TMEM237: variants seen among roughly 807,000 people sequenced by gnomAD.
TMEM237 encodes the protein amyotrophic lateral sclerosis 2 (juvenile) chromosome region, candidate 4.
In TMEM237, 51 loss-of-function variants were observed where a neutral mutation model predicts 59.1. That is an observed-to-expected ratio of 0.86 (90% confidence interval 0.69 to 1.09). TMEM237 has a LOEUF of 1.09. TMEM237 is among the 50% of genes least tolerant of loss of function. TMEM237 has a pLI of 0.00. For synonymous variants in TMEM237, 140 were observed against 166.1 expected (o/e 0.84, Z 1.21); for missense variants, 475 against 478.3 (o/e 0.99, Z 0.06).
Position 201,624,970 on chromosome 2 carries a change from G to A in TMEM237, c.1160-648C>T, listed in dbSNP as rs571061484. ...ATTTAAACTATTACTTAGCATAGAT[G>A]TTGGCGAAATTCTGCATGCTAAGGC... On this transcript the variant is annotated intron_variant, in intron 12 of 12. Transcript: ENST00000409883. Among the ~76,000 whole-genome samples, 4 of 152,316 alleles carry A rather than the reference G, an allele frequency of 2.6e-5. No individual in the cohort carries two copies. The East Asian group carries it at 5.8e-4, about 22-fold the overall frequency.
At position 201,634,007 on chromosome 2, in the gene TMEM237, T is replaced by A. The variant is rs547574105; in HGVS notation, c.275-576A>T. Among the ~76,000 whole-genome samples the A allele has an allele frequency of 3.7e-4, 56 of 152,336 alleles. 1 individual carries two copies. Among genetic ancestry groups the A allele is most frequent in the Non-Finnish European group, 7.1e-4 (48 of 68,034 alleles). On this transcript the variant is annotated intron_variant, in intron 5 of 12. Transcript: ENST00000409883. The stretch of plus-strand genomic sequence containing the variant: ...GCCTAGCACATACCAAAATTCTGGA[T>A]GCCCGGAAGGGAAACAGATGTTCAG...
rs752096103 is a variant in TMEM237, at chr2:201,629,416, A to G, written c.683T>C (p.Ile228Thr). Residue 228 changes from isoleucine (I) to threonine (T), a missense_variant, in exon 9 of 13, where the codon ATT (isoleucine) becomes ACT (threonine). Ile to Thr is a moderately conservative substitution (Grantham distance 89). Transcript: ENST00000409883. Reference protein sequence around the residue: ...ALTVHRAFRMIGLFSHGFLAG... With the variant: ...ALTVHRAFRMTGLFSHGFLAG... ...CAAGAATCCATGAGAAAAGAGACCAATCATCCTGAATGGAAAAGGGTTTGA... is the reference window on the plus strand; with the variant it reads ...CAAGAATCCATGAGAAAAGAGACCAGTCATCCTGAATGGAAAAGGGTTTGA... 8.3e-6 allele frequency: 13 copies of G among 1,558,752 alleles called. No homozygotes were observed. The highest frequency in any genetic ancestry group is 8.6e-7 in the Non-Finnish European group (1 of 1,160,518).
At chr2:201,640,783 AAG>A (rs1470586025) in intron 2 of TMEM237, 108 bp downstream of exon 2, 7 of 920,176 alleles carry the variant, frequency 7.6e-6, no homozygotes, top group African/African-American at 5.1e-5. Context: ...AATTTTTCAG[AAG>A]AGTTTCCTGA....
Position 201,622,379 on chromosome 2 carries a change from G to T in TMEM237, c.*1876C>A, listed in dbSNP as rs1440910418. The T allele has an allele frequency of 6.6e-6, 1 of 152,246 alleles. No individual in the cohort carries two copies. Among genetic ancestry groups the T allele is most frequent in the African/African-American group, 2.4e-5 (1 of 41,448 alleles). 9.4% of individuals were successfully genotyped at this position (152,246 alleles called of 1,614,324 possible). A position where few individuals can be genotyped will look rare whatever the true frequency, so the allele number is the denominator to read the frequency against. ...ATGGGCAGCACCAGGCCAAAACCAA[G>T]GTATCCACAGAGCTGCCTTCCTTTC... On this transcript the variant is annotated 3_prime_UTR_variant, in exon 13 of 13. Coordinates refer to ENST00000409883, the MANE Select transcript of TMEM237 (RefSeq NM_001044385.3).
Position 201,639,198 on chromosome 2 carries a change from A to C in TMEM237, c.80-153T>G, listed in dbSNP as rs375542217. On this transcript the variant is annotated intron_variant, in intron 3 of 12. Coordinates refer to ENST00000409883, the MANE Select transcript of TMEM237 (RefSeq NM_001044385.3). ...ATTAGGGGAAGAAGGCAAGAAATTG[A>C]GAAGATCAGAGAGAGCCCACAGTGT... 480 of 670,720 alleles carry C rather than the reference A, an allele frequency of 7.2e-4. 4 individuals carry two copies. Among genetic ancestry groups the C allele is most frequent in the African/African-American group, 7.1e-3 (394 of 55,170 alleles). The allele number at this position is 670,720 out of a possible 1,614,324, so 41.5% of individuals were successfully genotyped here. A position where few individuals can be genotyped will look rare whatever the true frequency, so the allele number is the denominator to read the frequency against.
In TMEM237 at chr2:201,626,047, G is replaced by A. The variant is rs1202843628; in HGVS notation, c.1138C>T (p.Pro380Ser). The change falls in exon 12 of 13, where the codon CCA (proline) becomes TCA (serine). Residue 380 changes from proline (P) to serine (S), a missense_variant. Physicochemically the swap from Pro to Ser is moderately conservative, Grantham distance 74. Coordinates refer to ENST00000409883, the MANE Select transcript of TMEM237 (RefSeq NM_001044385.3). ...ATACCTTCACTAAGATCCATGCCTG[G>A]CCTATAAGACAAAAATAGCCAAGAT... ...GLSWLFLSYRPGMDLSEELMF... is the reference protein window; with the variant it reads ...GLSWLFLSYRSGMDLSEELMF... 6 of 1,592,586 alleles carry A rather than the reference G, an allele frequency of 3.8e-6. No individual in the cohort carries two copies. The South Asian group carries it at 4.6e-5, about 12-fold the overall frequency.
At chr2:201,641,730 T>TACACACACACACAC (rs10673016) in intron 1 of TMEM237, among the ~76,000 whole-genome samples, 69 of 150,816 alleles carry the variant, frequency 4.6e-4, no homozygotes, top group African/African-American at 1.7e-3. Context: ...ATACACAAGA[T>TACACACACACACAC]ACACACACAC....
Position 201,633,335 on chromosome 2 carries a change from A to G in TMEM237, c.371T>C (p.Ile124Thr), listed in dbSNP as rs1687220493. 3 of 1,599,120 alleles carry G rather than the reference A, an allele frequency of 1.9e-6. No individual in the cohort carries two copies. Among genetic ancestry groups the G allele is most frequent in the Non-Finnish European group, 2.6e-6 (3 of 1,172,610 alleles). ...CTTTGTCTTCCTCCGAGGTTTTTGAATAACTGCCTCCTCAGCTGGCTCCGC... is the reference window on the plus strand; with the variant it reads ...CTTTGTCTTCCTCCGAGGTTTTTGAGTAACTGCCTCCTCAGCTGGCTCCGC... ...IDAEPAEEAV[I>T]QKPRRKTKKT... is the part of the protein sequence containing the mutation. Residue 124 changes from isoleucine (I) to threonine (T), a missense_variant, in exon 6 of 13, where the codon ATT becomes ACT. Physicochemically the swap from Ile to Thr is moderately conservative, Grantham distance 89. Coordinates refer to ENST00000409883, the MANE Select transcript of TMEM237 (RefSeq NM_001044385.3).
chr2:201,620,253 C>T lies in TMEM237; in HGVS notation c.*4002G>A, dbSNP rs1957684199. ...TCTTAATATGGAAACCAAAGGTCTG[C>T]AAAATGTACTCTCCTAGCTCAGGAT... On this transcript the variant is annotated 3_prime_UTR_variant, in exon 13 of 13. Transcript: ENST00000409883. 6.6e-6 allele frequency: 1 copy of T among 152,182 alleles called. No individual in the cohort carries two copies. Among genetic ancestry groups the T allele is most frequent in the African/African-American group, 2.4e-5 (1 of 41,444 alleles). 9.4% of individuals were successfully genotyped at this position (152,182 alleles called of 1,614,324 possible).
chr2:201,643,334 G>A lies in TMEM237; in HGVS notation c.42+25C>T, dbSNP rs1262021812. On this transcript the variant is annotated intron_variant, in intron 1 of 12. Transcript: ENST00000409883. This position sits in a 1 kb window ranked among gnomAD's most constrained non-coding sequence, Gnocchi z 4.3. ...TAGCTGTTTACCCGCCACCTCTCGA[G>A]GCCGACGCGCCCCTCGCCGCTCACC... The A allele has an allele frequency of 1.3e-6, 2 of 1,545,062 alleles. No homozygotes were observed.
In TMEM237 at chr2:201,635,762, T is replaced by TAAAAAAA. The variant is rs11453635; in HGVS notation, c.274+979_274+985dup. On this transcript the variant is annotated intron_variant, in intron 5 of 12. Transcript: ENST00000409883. This position sits in a 1 kb window ranked among gnomAD's most constrained non-coding sequence, Gnocchi z 4.5. ...GGGCTATAAGAGTGAAACTCCATCT[T>TAAAAAAA]AAAAAAAAAAAAAAAGAGGCTCGAA... Among the ~76,000 whole-genome samples the TAAAAAAA allele has an allele frequency of 1.2e-4, 17 of 142,484 alleles. No homozygotes were observed. Among genetic ancestry groups the TAAAAAAA allele is most frequent in the African/African-American group, 4.4e-4 (17 of 38,744 alleles). 93.5% of individuals were successfully genotyped at this position (142,484 alleles called of 152,430 possible).
rs777244164 is a variant in TMEM237, at chr2:201,623,247, T to C, written c.*1008A>G. 100 of 433,070 alleles carry C rather than the reference T, an allele frequency of 2.3e-4. No individual in the cohort carries two copies. The highest frequency in any genetic ancestry group is 7.4e-4 in the Middle Eastern group (1 of 1,356). The allele number at this position is 433,070 out of a possible 1,614,324, so 26.8% of individuals were successfully genotyped here. ...AGTTTTATTGATGTGCTCAACAGCC[T>C]TTGAAACATTTTTTCCCATAGCTAG... On this transcript the variant is annotated 3_prime_UTR_variant, in exon 13 of 13. Transcript: ENST00000409883.
At chr2:201,629,579 A>G in intron 8 of TMEM237, 150 bp downstream of exon 8, 3 of 1,281,504 alleles carry the variant, frequency 2.3e-6, no homozygotes, top group Non-Finnish European at 3.1e-6. Flanking sequence ...AGATCACTCA[A>G]TTCCAATAGG....
Position 201,643,290 on chromosome 2 carries a change from C to G in TMEM237, c.42+69G>C, listed in dbSNP as rs1201546044. On this transcript the variant is annotated intron_variant, in intron 1 of 12. Transcript: ENST00000409883. The surrounding 1 kb of genome is among the most constrained non-coding windows in gnomAD (Gnocchi z 4.3). ...CTCGTTGGCGCCCCCCCACACACAC[C>G]CACCCCCACTGCCAAGTGTAGCTGT... is the stretch of plus-strand genomic sequence containing the variant. The G allele has an allele frequency of 2.1e-6, 3 of 1,448,560 alleles. No homozygotes were observed. In the South Asian group the frequency reaches 3.7e-5, roughly 18 times the overall value. 89.7% of individuals were successfully genotyped at this position (1,448,560 alleles called of 1,614,324 possible).
chr2:201,629,413 C>G lies in TMEM237; in HGVS notation c.686G>C (p.Gly229Ala). ...AGCCAAGAATCCATGAGAAAAGAGA[C>G]CAATCATCCTGAATGGAAAAGGGTT... ...LTVHRAFRMI[G>A]LFSHGFLAGC... The change falls in exon 9 of 13, where the codon GGT (glycine) becomes GCT (alanine). Residue 229 changes from glycine to alanine, a missense_variant. Transcript: ENST00000409883. 6.4e-7 allele frequency: 1 copy of G among 1,563,974 alleles called. No individual in the cohort carries two copies. Among genetic ancestry groups the G allele is most frequent in the Non-Finnish European group, 8.6e-7 (1 of 1,162,872 alleles).
chr2:201,630,359 T>C (rs1198743301), intron 7 of TMEM237, among the ~76,000 whole-genome samples: 1 of 152,226 alleles, frequency 6.6e-6, no homozygotes, highest in Non-Finnish European at 1.5e-5. Flanking sequence ...AATTTCTCTT[T>C]AGAACATTCC....
In TMEM237 at chr2:201,638,889, G is replaced by A. The variant is rs1014359231; in HGVS notation, c.136+100C>T. On this transcript the variant is annotated intron_variant, in intron 4 of 12. Transcript: ENST00000409883. ...TCTATCCTCAATGAAGTGGAGATTC[G>A]GGGCTGCTGGGGCCTTAATTCTCCC... 13 of 1,138,286 alleles carry A rather than the reference G, an allele frequency of 1.1e-5. No homozygotes were observed. In the Admixed American group the frequency reaches 1.2e-4, roughly 11 times the overall value. 70.5% of individuals were successfully genotyped at this position (1,138,286 alleles called of 1,614,324 possible).
At chr2:201,637,019 A>C (rs1378769002) in intron 4 of TMEM237, 134 bp from the exon 5 acceptor site, 3 of 872,862 alleles carry the variant, frequency 3.4e-6, no homozygotes, top group South Asian at 4.6e-5. Context: ...ATTATCCCCC[A>C]AATCTTTCCT....
intron 4 of TMEM237, among the ~76,000 whole-genome samples, chr2:201,637,738 C>T (rs1687328502): frequency 6.9e-6 from 1 of 145,214 alleles, no homozygotes; most frequent in South Asian, 2.2e-4. Flanking sequence ...GAGCAAGACT[C>T]CGTCTCAAAA....
Sources: gnomAD v4.1 joint callset for allele counts (sites outside exome capture counted in the v4.1 genomes callset) on GRCh38, gnomAD v4.1.1 for gene constraint, Gnocchi (gnomAD v3.1) non-coding constraint, MANE v1.5 for transcripts, NCBI Gene and HGNC (gene_info 2026-07-23, HGNC 2026-07-21) for gene names.